Variants in LINC00305 observed in about 807,000 individuals in gnomAD.
LINC00305 encodes the protein long intergenic non-protein coding RNA 305.
intron 1 of LINC00305, among the ~76,000 whole-genome samples, chr18:64,115,891 G>A (rs374469685): frequency 6.6e-6 from 1 of 152,088 alleles, no homozygotes; most frequent in Non-Finnish European, 1.5e-5. Context: ...GATAGCATCC[G>A]TATCTCCCAG....
chr18:64,112,868 T>C (rs568853838), intron 1 of LINC00305, among the ~76,000 whole-genome samples: 1 of 152,318 alleles, frequency 6.6e-6, no homozygotes, highest in African/African-American at 2.4e-5. Context: ...CAATTCCTTG[T>C]TAAGAAAACA....
At position 64,089,208 on chromosome 18, in the gene LINC00305, G is replaced by T. The variant is rs900530924; in HGVS notation, n.540+8626C>A. 4.6e-5 allele frequency among the ~76,000 whole-genome samples: 7 copies of T among 152,172 alleles called. No individual in the cohort carries two copies. The East Asian group carries it at 1.3e-3, about 29-fold the overall frequency. On this transcript the variant is annotated intron_variant and non_coding_transcript_variant, in intron 3 of 3. Coordinates refer to ENST00000666468, the Ensembl canonical transcript of LINC00305. ...TCATGGGGGCGGTTTTCCCCATGCT[G>T]TTCTCATGATAGTGGGTAAGTCTCA...
intron 1 of LINC00305, among the ~76,000 whole-genome samples, chr18:64,139,745 G>A (rs1258995768): frequency 1.3e-5 from 2 of 152,070 alleles, no homozygotes; most frequent in Admixed American, 6.5e-5. Context: ...ATGGATGGGT[G>A]CAGGATGGCA....
intron 1 of LINC00305, among the ~76,000 whole-genome samples, chr18:64,144,739 C>G (rs1204936294): frequency 6.6e-6 from 1 of 152,080 alleles, no homozygotes; most frequent in African/African-American, 2.4e-5. Context: ...ATTGTAAATA[C>G]AAAATTGCAT....
chr18:64,093,641 C>A (rs1484847352), intron 3 of LINC00305, among the ~76,000 whole-genome samples: 1 of 152,188 alleles, frequency 6.6e-6, no homozygotes, highest in African/African-American at 2.4e-5. Flanking sequence ...GCCAATCCTA[C>A]CCTGTCAATA....
rs368981607 is a variant in LINC00305 at position 64,091,494 on chromosome 18, G to A, written n.540+6340C>T. ...ACAGCAGAACTTCAGATCAAGTGTG[G>A]GCCCTTCTGTGTGATGGCACAGGTC... is the stretch of plus-strand genomic sequence containing the variant. On this transcript the variant is annotated intron_variant and non_coding_transcript_variant, in intron 3 of 3. Coordinates refer to ENST00000666468, the Ensembl canonical transcript of LINC00305. Among the ~76,000 whole-genome samples, 54 of 152,278 alleles carry A rather than the reference G, an allele frequency of 3.5e-4. No homozygotes were observed. In the East Asian group the frequency reaches 4.8e-3, roughly 14 times the overall value.
chr18:64,110,125 G>T (rs2051308872), intron 1 of LINC00305, among the ~76,000 whole-genome samples: 1 of 152,170 alleles, frequency 6.6e-6, no homozygotes, highest in Non-Finnish European at 1.5e-5. Flanking sequence ...AGGAGGCTTT[G>T]TATTGAGATA....
chr18:64,144,760 G>A (rs1325884933), intron 1 of LINC00305, among the ~76,000 whole-genome samples: 1 of 152,188 alleles, frequency 6.6e-6, no homozygotes, highest in Non-Finnish European at 1.5e-5. Flanking sequence ...GCAGGATTGT[G>A]TAAAGACAAT....
chr18:64,122,424 C>G (rs2051366068), intron 1 of LINC00305, among the ~76,000 whole-genome samples: 1 of 151,972 alleles, frequency 6.6e-6, no homozygotes, highest in Non-Finnish European at 1.5e-5. Flanking sequence ...TTTTCCCAGA[C>G]TATTTATTGA....
exon 3 of LINC00305, chr18:64,097,933 G>A (rs1161423628): frequency 2.2e-6 from 1 of 457,990 alleles, no homozygotes; most frequent in Non-Finnish European, 4.4e-6. Context: ...AAACCAGAAG[G>A]CTGCTGACCA....
chr18:64,101,932 C>T (rs2051269183), intron 1 of LINC00305, among the ~76,000 whole-genome samples: 4 of 152,118 alleles, frequency 2.6e-5, no homozygotes. Flanking sequence ...TGGGCTACTA[C>T]TTAAAATTTT....
chr18:64,138,440 C>T (rs951192783), intron 1 of LINC00305, among the ~76,000 whole-genome samples: 17 of 152,298 alleles, frequency 1.1e-4, no homozygotes, highest in African/African-American at 3.1e-4. Context: ...AAAAGTCAAG[C>T]ACCTTATTAT....
chr18:64,089,767 C>T (rs566133666), intron 3 of LINC00305, among the ~76,000 whole-genome samples: 2 of 152,288 alleles, frequency 1.3e-5, no homozygotes, highest in African/African-American at 2.4e-5. Flanking sequence ...GAGCAAGTCG[C>T]GTCTTATATG....
chr18:64,114,130 C>T (rs996962351), intron 1 of LINC00305, among the ~76,000 whole-genome samples: 5 of 152,172 alleles, frequency 3.3e-5, no homozygotes, highest in African/African-American at 1.2e-4. Flanking sequence ...ATTAGCCGGG[C>T]GTGGTGGCGG....
At chr18:64,131,404 A>G (rs536924835) in intron 1 of LINC00305, among the ~76,000 whole-genome samples, 7 of 152,338 alleles carry the variant, frequency 4.6e-5, no homozygotes, top group Non-Finnish European at 7.4e-5. Flanking sequence ...TAAATTACCC[A>G]TTGACAGAGA....
At chr18:64,107,503 T>C (rs1472754965) in intron 1 of LINC00305, among the ~76,000 whole-genome samples, 1 of 152,178 alleles carries the variant, frequency 6.6e-6, no homozygotes, top group Non-Finnish European at 1.5e-5. Flanking sequence ...ACAGAAGGCA[T>C]TGGGATAGAT....
chr18:64,090,054 A>T (rs2051218851), intron 3 of LINC00305, among the ~76,000 whole-genome samples: 1 of 152,176 alleles, frequency 6.6e-6, no homozygotes, highest in African/African-American at 2.4e-5. Flanking sequence ...GCTCAAAGAC[A>T]TGGATGGAAA....
At chr18:64,096,228 T>C (rs987626970) in intron 3 of LINC00305, among the ~76,000 whole-genome samples, 6 of 152,012 alleles carry the variant, frequency 3.9e-5, no homozygotes, top group Admixed American at 3.3e-4. Context: ...TAGTCTTTAC[T>C]CTTAGATACA....
chr18:64,107,487 C>T (rs1184476591), intron 1 of LINC00305, among the ~76,000 whole-genome samples: 1 of 152,176 alleles, frequency 6.6e-6, no homozygotes, highest in African/African-American at 2.4e-5. Flanking sequence ...GTGATGATGG[C>T]TGCGTACAGA....
Sources: allele counts gnomAD v4.1 joint callset (sites outside exome capture counted in the v4.1 genomes callset), GRCh38; gene constraint gnomAD v4.1.1; transcripts MANE v1.5; gene names NCBI Gene and HGNC (gene_info 2026-07-23, HGNC 2026-07-21).